Variants in ASCC2 observed in about 807,000 individuals in gnomAD.
ASCC2 encodes the protein ASC-1 complex subunit P100.
Under a neutral mutation model 93.5 loss-of-function variants are expected in ASCC2, and 42 were observed. The ratio of observed to expected loss-of-function variants is 0.45; its 90% confidence interval spans 0.35 to 0.58. The LOEUF is 0.58. Ranked by LOEUF, ASCC2 falls within the 20% of genes least tolerant of loss-of-function variation. The pLI, the probability that ASCC2 is intolerant of heterozygous loss-of-function variation, is 0.00. For missense variants in ASCC2, 859 were observed against 977.6 expected (o/e 0.88, Z 1.62); for synonymous variants, 364 against 384.2 (o/e 0.95, Z 0.62).
rs1006233286 is a variant in ASCC2 at position 29,802,157 on chromosome 22, C to A, written c.1405G>T (p.Asp469Tyr). 1 of 1,614,246 alleles carries A rather than the reference C, an allele frequency of 6.2e-7. No homozygotes were observed. The highest frequency in any genetic ancestry group is 1.3e-5 in the African/African-American group (1 of 75,070). Residue 469 changes from aspartate to tyrosine, a missense_variant, in exon 14 of 20, where the codon GAC (aspartate) becomes TAC (tyrosine). Coordinates refer to ENST00000307790, the MANE Select transcript of ASCC2 (RefSeq NM_032204.5). Reference protein sequence around the residue: ...VGPAMCGVELDSLISQVKDLL... With the variant: ...VGPAMCGVELYSLISQVKDLL... ...TCCTTCACTTGGGAGATGAGAGAGT[C>A]CAGTTCCACCCCACACATGGCAGGG...
intron 1 of ASCC2, chr22:29,834,612 G>A (rs959866217): frequency 2.1e-6 from 1 of 469,308 alleles, no homozygotes; most frequent in Non-Finnish European, 4.4e-6. Context: ...TCATCTTTCA[G>A]CTTTGCAAAG....
intron 15 of ASCC2, among the ~76,000 whole-genome samples, chr22:29,796,717 G>T (rs970405029): frequency 6.6e-6 from 1 of 152,182 alleles, no homozygotes. Context: ...GGAAGAAAAA[G>T]GAGCCCAAGC....
At chr22:29,807,610 C>G (rs5997530) in intron 9 of ASCC2, among the ~76,000 whole-genome samples, 49,460 of 152,064 alleles carry the variant, frequency 0.33, 8,869 homozygotes, top group East Asian at 0.59. Flanking sequence ...ACACTTAACT[C>G]TAGTTGTTGC....
intron 4 of ASCC2, among the ~76,000 whole-genome samples, chr22:29,823,586 G>A (rs187598293): frequency 7.2e-4 from 110 of 152,264 alleles, no homozygotes; most frequent in South Asian, 1.5e-3. Flanking sequence ...GATGGCTCGC[G>A]CCGGTAATCT....
chr22:29,816,112 G>T (rs1341344544), intron 5 of ASCC2, 39 bp from the exon 6 acceptor site: 1 of 1,498,748 alleles, frequency 6.7e-7, no homozygotes, highest in Non-Finnish European at 9.1e-7. Context: ...GAGAAAAGGT[G>T]GGGGCTCGGG....
chr22:29,790,247 C>A lies in ASCC2; in HGVS notation c.2102+222G>T, dbSNP rs566212980. Among the ~76,000 whole-genome samples the A allele has an allele frequency of 1.4e-4, 21 of 152,370 alleles. No individual in the cohort carries two copies. In the South Asian group the frequency reaches 3.9e-3, roughly 29 times the overall value. On this transcript the variant is annotated intron_variant, in intron 19 of 19. Transcript: ENST00000307790. ...GGCTCCATCTTTGCTACATCACCTA[C>A]TAGCTGTGTGACTTCTGGCTGGTTA... is the stretch of plus-strand genomic sequence containing the variant.
intron 1 of ASCC2, chr22:29,834,078 A>ATT: frequency 6.0e-6 from 1 of 166,466 alleles, no homozygotes. Context: ...TAATGCTCAC[A>ATT]AAAAGTCTAA....
intron 1 of ASCC2, chr22:29,832,587 CTTT>C (rs375947944): frequency 3.1e-3 from 616 of 199,722 alleles, no homozygotes; most frequent in South Asian, 7.9e-3. Flanking sequence ...TTTCCACCCA[CTTT>C]TTTTTTTTTT....
At chr22:29,833,502 T>G in intron 1 of ASCC2, 1 of 437,064 alleles carries the variant, frequency 2.3e-6, no homozygotes, top group Non-Finnish European at 4.6e-6. Flanking sequence ...CATAGAAAAC[T>G]GACAGTGCAA....
At chr22:29,819,545 G>A (rs907078835) in intron 5 of ASCC2, among the ~76,000 whole-genome samples, 1 of 152,122 alleles carries the variant, frequency 6.6e-6, no homozygotes, top group African/African-American at 2.4e-5. Context: ...AAAAAACTGG[G>A]GCTTAGAGTA....
At chr22:29,793,251 C>A in intron 17 of ASCC2, 109 bp downstream of exon 17, 1 of 1,483,172 alleles carries the variant, frequency 6.7e-7, no homozygotes, top group Non-Finnish European at 9.2e-7. Flanking sequence ...GTCAGGAGGA[C>A]TGGGTTTGGG....
intron 13 of ASCC2, among the ~76,000 whole-genome samples, chr22:29,803,839 G>A (rs1465554305): frequency 6.6e-6 from 1 of 152,222 alleles, no homozygotes; most frequent in African/African-American, 2.4e-5. Context: ...GAATCACAGG[G>A]TCTGGGCTGG....
At chr22:29,789,305 G>A in intron 19 of ASCC2, 121 bp from the exon 20 acceptor site, 1 of 1,195,786 alleles carries the variant, frequency 8.4e-7, no homozygotes, top group South Asian at 1.4e-5. Context: ...GGTCACTCAT[G>A]TCCCAACTTC....
Position 29,793,658 on chromosome 22 carries a change from GT to G in ASCC2, c.1706del (p.Asn569ThrfsTer6). 1 of 1,575,374 alleles carries G rather than the reference GT, an allele frequency of 6.3e-7. No homozygotes were observed. The part of the protein sequence containing the change: ...HKGKSTRKEE[N>X]TRSLLNDKRA... Reference sequence around the variant, plus strand: ...GCTTGTCGTTCAGCAAACTCCGCGTGTTTTCCTCCTTCCTGGTGCTGAGAAG... The same window carrying G: ...GCTTGTCGTTCAGCAAACTCCGCGTGTTTCCTCCTTCCTGGTGCTGAGAAG... On this transcript the variant is annotated frameshift_variant, in exon 16 of 20. Coordinates refer to ENST00000307790, the MANE Select transcript of ASCC2 (RefSeq NM_032204.5). LOFTEE classifies it high-confidence loss of function.
chr22:29,809,993 C>T (rs932001990), intron 8 of ASCC2: 2 of 152,136 alleles, frequency 1.3e-5, no homozygotes, highest in African/African-American at 4.8e-5. Context: ...TTCATACCAC[C>T]CTTTCCCAAC....
rs768922568 is a variant in ASCC2, at chr22:29,789,149, C to G, written c.2138G>C (p.Ser713Thr). The G allele has an allele frequency of 2.0e-5, 33 of 1,614,140 alleles. No homozygotes were observed. The highest frequency in any genetic ancestry group is 1.6e-4 in the South Asian group (15 of 91,086). ...GCGGCTCTGCCCATGGCCTCGGGGG[C>G]TGCCGGCCACTGCTGTTGAGCTGTC... ...RHDSSTAVAGSPRGHGQSRET... is the reference protein window; with the variant it reads ...RHDSSTAVAGTPRGHGQSRET... Residue 713 changes from serine (S) to threonine (T), a missense_variant, in exon 20 of 20, where the codon AGC becomes ACC. By Grantham distance (58) the Ser-to-Thr change is moderately conservative (BLOSUM62 1). Transcript: ENST00000307790.
chr22:29,808,336 C>G, intron 8 of ASCC2, 151 bp from the exon 9 acceptor site: 2 of 729,852 alleles, frequency 2.7e-6, no homozygotes, highest in Non-Finnish European at 4.5e-6. Flanking sequence ...CTGAGCTCAC[C>G]CCAGACTGAC....
Position 29,825,145 on chromosome 22 carries a change from C to A in ASCC2, c.353G>T (p.Arg118Leu). ...SAPEVVDMQK[R>L]LHRSVFLTFL... is the part of the protein sequence containing the mutation. ...GGTGAGAAAAACACTTCGATGGAGG[C>A]GCTTCTGCATGTCAACAACCTCAGG... Residue 118 changes from arginine (R) to leucine (L), a missense_variant, in exon 4 of 20, where the codon CGC becomes CTC. Physicochemically the swap from Arg to Leu is moderately radical, Grantham distance 102 (BLOSUM62 -2). Transcript: ENST00000307790. The surrounding 1 kb of genome is among the most constrained non-coding windows in gnomAD (Gnocchi z 4.9). The A allele has an allele frequency of 1.3e-6, 2 of 1,548,998 alleles. No homozygotes were observed. The highest frequency in any genetic ancestry group is 8.7e-7 in the Non-Finnish European group (1 of 1,149,106).
Position 29,825,348 on chromosome 22 carries a change from C to T in ASCC2, c.241-91G>A. 7.0e-7 allele frequency: 1 copy of T among 1,437,156 alleles called. No individual in the cohort carries two copies. Among genetic ancestry groups the T allele is most frequent in the South Asian group, 1.4e-5 (1 of 72,222 alleles). The allele number at this position is 1,437,156 out of a possible 1,614,324, so 89.0% of individuals were successfully genotyped here. A position where few individuals can be genotyped will look rare whatever the true frequency, so the allele number is the denominator to read the frequency against. On this transcript the variant is annotated intron_variant, in intron 3 of 19. Transcript: ENST00000307790. This position sits in a 1 kb window ranked among gnomAD's most constrained non-coding sequence, Gnocchi z 4.9. ...GTGCAGGGACTCAATGCCCATCAGC[C>T]CTGCCCTATTCCAAACACTCCGACC...
Sources: allele counts gnomAD v4.1 joint callset (sites outside exome capture counted in the v4.1 genomes callset), GRCh38; gene constraint gnomAD v4.1.1; non-coding constraint Gnocchi (gnomAD v3.1); transcripts MANE v1.5; gene names NCBI Gene and HGNC (gene_info 2026-07-23, HGNC 2026-07-21).